The following TRIM36 variants were observed in gnomAD, a reference collection of about 807,000 sequenced individuals.
TRIM36 encodes tripartite motif containing 36, also known as E3 ubiquitin-protein ligase TRIM36.
A neutral mutation model predicts 72.4 loss-of-function variants in TRIM36; 42 were observed. The observed-to-expected ratio is 0.58, with a 90% confidence interval of 0.45 to 0.75. The LOEUF is 0.75. Ranked by LOEUF, TRIM36 falls within the 30% of genes least tolerant of loss-of-function variation. The probability of loss-of-function intolerance (pLI) is 0.00; values close to 1 mark genes in which losing one functional copy is unlikely to be tolerated. For synonymous variants in TRIM36, 315 were observed against 282.8 expected, an observed-to-expected ratio of 1.11 and a Z score of -1.14; for missense variants, 913 against 857.1, an observed-to-expected ratio of 1.07 and a Z score of -0.81.
chr5:115,156,247 T>C (rs1264282700), intron 2 of TRIM36, among the ~76,000 whole-genome samples: 1 of 151,870 alleles, frequency 6.6e-6, no homozygotes, highest in African/African-American at 2.4e-5. Flanking sequence ...CCATGAGCAA[T>C]CTACAAATTC....
At chr5:115,170,063 G>A (rs556577377), upstream of TRIM36, 32 of 814,520 alleles carry the variant, frequency 3.9e-5, no homozygotes, top group Admixed American at 1.2e-4. Context: ...TAGGCTGAGC[G>A]GGACTCGGCT....
intron 1 of TRIM36, among the ~76,000 whole-genome samples, chr5:115,166,049 G>C (rs1263792400): frequency 5.3e-5 from 8 of 152,130 alleles, no homozygotes; most frequent in Non-Finnish European, 2.9e-5. Flanking sequence ...GACTCAACGT[G>C]GTACTGCAGG....
chr5:115,155,337 G>A (rs1417076873), intron 2 of TRIM36, among the ~76,000 whole-genome samples: 1 of 152,078 alleles, frequency 6.6e-6, no homozygotes, highest in Non-Finnish European at 1.5e-5. Context: ...AACAAAGAGC[G>A]AAACTCCGTC....
chr5:115,132,561 A>G (rs1291743901), intron 8 of TRIM36, among the ~76,000 whole-genome samples: 1 of 151,720 alleles, frequency 6.6e-6, no homozygotes, highest in Admixed American at 6.6e-5. Context: ...AAAAAAAAAA[A>G]AAAAAAAAGA....
Position 115,169,788 on chromosome 5 carries a change from CG to C in TRIM36, c.-155del. ...GCTGTACGTGGCCAGCGGACCGACG[CG>C]GGGAGAAGTAAGCCGGGGCAGGCAA... On this transcript the variant is annotated 5_prime_UTR_variant, in exon 1 of 10. Coordinates refer to ENST00000513154, the MANE Select transcript of TRIM36 (RefSeq NM_001300759.2). The C allele has an allele frequency of 7.6e-7, 1 of 1,313,372 alleles. No individual in the cohort carries two copies. The highest frequency in any genetic ancestry group is 9.8e-7 in the Non-Finnish European group (1 of 1,024,330). 81.4% of individuals were successfully genotyped at this position (1,313,372 alleles called of 1,614,324 possible).
In TRIM36 at chr5:115,137,096, T is replaced by C. The variant is rs776528911; in HGVS notation, c.1114A>G (p.Ser372Gly). The change falls in exon 7 of 10, where the codon AGC (serine) becomes GGC (glycine). Residue 372 changes from serine (S) to glycine (G), a missense_variant. By Grantham distance (56) the Ser-to-Gly change is moderately conservative. Coordinates refer to ENST00000513154, the MANE Select transcript of TRIM36 (RefSeq NM_001300759.2). The part of the protein sequence containing the change: ...RIQKATESLK[S>G]FRPAAQTSFE... ...GAAGTCTGAGCTGCAGGTCTAAAGCTCTTCAAAGATTCTGTGGCTTTCTGT... is the reference window on the plus strand; with the variant it reads ...GAAGTCTGAGCTGCAGGTCTAAAGCCCTTCAAAGATTCTGTGGCTTTCTGT... 1 of 1,603,934 alleles carries C rather than the reference T, an allele frequency of 6.2e-7. No individual in the cohort carries two copies. Among genetic ancestry groups the C allele is most frequent in the Admixed American group, 1.7e-5 (1 of 58,098 alleles).
At chr5:115,151,726 C>T (rs1313857777) in intron 2 of TRIM36, among the ~76,000 whole-genome samples, 1 of 152,162 alleles carries the variant, frequency 6.6e-6, no homozygotes, top group East Asian at 1.9e-4. Flanking sequence ...CAGACAACAC[C>T]CAATACCAGC....
At chr5:115,135,229 C>T (rs1488286819) in intron 7 of TRIM36, among the ~76,000 whole-genome samples, 1 of 152,156 alleles carries the variant, frequency 6.6e-6, no homozygotes, top group Non-Finnish European at 1.5e-5. Context: ...AAGCTACACA[C>T]ACACATTTAT....
At chr5:115,130,223 CTG>C (rs1420453610) in intron 9 of TRIM36, among the ~76,000 whole-genome samples, 1 of 152,178 alleles carries the variant, frequency 6.6e-6, no homozygotes, top group Non-Finnish European at 1.5e-5. Context: ...TTTAAAGAAA[CTG>C]TGTCCCATAA....
rs112132826 is a variant in TRIM36, at chr5:115,142,744, C to G, written c.736-1370G>C. Among the ~76,000 whole-genome samples, 1,355 of 152,262 alleles carry G rather than the reference C, an allele frequency of 8.9e-3. 19 individuals carry two copies. The highest frequency in any genetic ancestry group is 0.032 in the African/African-American group (1,313 of 41,540). ...CACAGGTCTCTAAAAAGTATATGTA[C>G]CACACACTGAAAATAGGCATTGAAG... On this transcript the variant is annotated intron_variant, in intron 4 of 9. Coordinates refer to ENST00000513154, the MANE Select transcript of TRIM36 (RefSeq NM_001300759.2).
intron 5 of TRIM36, 118 bp from the exon 6 acceptor site, chr5:115,137,734 G>T: frequency 8.6e-7 from 1 of 1,163,574 alleles, no homozygotes; most frequent in Non-Finnish European, 1.2e-6. Context: ...TGTGATGACA[G>T]CATTATCAAA....
intron 2 of TRIM36, among the ~76,000 whole-genome samples, chr5:115,157,034 T>A (rs964324510): frequency 6.6e-6 from 1 of 151,748 alleles, no homozygotes; most frequent in Non-Finnish European, 1.5e-5. Flanking sequence ...AAAGAAGACA[T>A]ACAAGTGGTC....
intron 5 of TRIM36, 61 bp downstream of exon 5, chr5:115,141,218 T>C: frequency 8.2e-7 from 1 of 1,220,264 alleles, no homozygotes; most frequent in Non-Finnish European, 1.2e-6. Context: ...TATGAACAAA[T>C]GAATGAATGT....
chr5:115,179,829 G>T, intron 1 of TRIM36: 1 of 717,082 alleles, frequency 1.4e-6, no homozygotes, highest in Non-Finnish European at 2.4e-6. Flanking sequence ...GCAGCTGCTG[G>T]GACGCCCGGG....
intron 4 of TRIM36, among the ~76,000 whole-genome samples, chr5:115,142,912 C>T (rs1169205544): frequency 6.6e-6 from 1 of 152,158 alleles, no homozygotes; most frequent in Non-Finnish European, 1.5e-5. Flanking sequence ...GGTTCTCAAA[C>T]ACTAGTGTAT....
upstream of TRIM36, chr5:115,180,164 AAG>A (rs1356275495): frequency 5.6e-6 from 5 of 887,280 alleles, no homozygotes; most frequent in African/African-American, 8.6e-5. Flanking sequence ...TAACCAGGAA[AAG>A]AGGGGAAGCG....
intron 5 of TRIM36, among the ~76,000 whole-genome samples, chr5:115,140,601 C>CT (rs964647815): frequency 6.6e-6 from 1 of 152,180 alleles, no homozygotes; most frequent in Non-Finnish European, 1.5e-5. Context: ...CTCCTCAACT[C>CT]TAACATCATC....
chr5:115,135,082 A>T (rs1418814983), intron 7 of TRIM36, among the ~76,000 whole-genome samples: 1 of 152,188 alleles, frequency 6.6e-6, no homozygotes, highest in Non-Finnish European at 1.5e-5. Flanking sequence ...TTAACTGTTT[A>T]GTTTTGGAAA....
chr5:115,169,973 T>C (rs1755020564), upstream of TRIM36: 6 of 1,158,222 alleles, frequency 5.2e-6, no homozygotes, highest in Non-Finnish European at 6.4e-6. Context: ...GGGCGTGGCC[T>C]GGTCGTTGCC....
Sources: allele counts gnomAD v4.1 joint callset (sites outside exome capture counted in the v4.1 genomes callset), GRCh38; gene constraint gnomAD v4.1.1; transcripts MANE v1.5; gene names NCBI Gene and HGNC (gene_info 2026-07-23, HGNC 2026-07-21).